VWC2L: variants seen among roughly 807,000 people sequenced by gnomAD.
VWC2L encodes the protein von Willebrand factor C domain containing 2 like, also known as von Willebrand factor C domain-containing protein 2-like.
In VWC2L, 10 loss-of-function variants were observed where a neutral mutation model predicts 21.6. The ratio of observed to expected loss-of-function variants is 0.46; its 90% CI spans 0.29 to 0.78. VWC2L has a LOEUF of 0.78. Among genes scored for constraint, VWC2L ranks in the 30% least tolerant of loss-of-function variants. The probability of loss-of-function intolerance (pLI) is 0.10; values close to 1 mark genes in which losing one functional copy is unlikely to be tolerated. For synonymous variants in VWC2L, 96 were observed against 94.3 expected (o/e 1.02, Z -0.10); for missense variants, 209 against 277.1 (o/e 0.75, Z 1.74).
At chr2:214,468,694 T>G (rs184118338) in intron 3 of VWC2L, among the ~76,000 whole-genome samples, 189 of 152,072 alleles carry the variant, frequency 1.2e-3, no homozygotes, top group African/African-American at 4.4e-3. Flanking sequence ...TGCTGAGAAT[T>G]AGAACGTATA....
intron 3 of VWC2L, among the ~76,000 whole-genome samples, chr2:214,472,562 T>C (rs755972046): frequency 2.0e-5 from 3 of 152,216 alleles, no homozygotes; most frequent in Non-Finnish European, 4.4e-5. Context: ...GTTCAACTCA[T>C]ACATGATAAG....
intron 3 of VWC2L, among the ~76,000 whole-genome samples, chr2:214,443,104 G>A (rs1361325320): frequency 5.9e-5 from 9 of 152,098 alleles, no homozygotes; most frequent in Admixed American, 5.9e-4. Context: ...GAAAAGGCCG[G>A]GCGTGGTGGC....
intron 3 of VWC2L, among the ~76,000 whole-genome samples, chr2:214,455,493 G>A (rs932693833): frequency 2.0e-5 from 3 of 152,030 alleles, no homozygotes; most frequent in South Asian, 2.1e-4. Context: ...GACCAACTCC[G>A]AGTATTCAGG....
chr2:214,548,151 C>T (rs1327281029), intron 3 of VWC2L, among the ~76,000 whole-genome samples: 1 of 152,188 alleles, frequency 6.6e-6, no homozygotes, highest in African/African-American at 2.4e-5. Context: ...ACTTTCTTCT[C>T]TGAGGCTCTT....
At chr2:214,486,321 T>C (rs1165691426) in intron 3 of VWC2L, among the ~76,000 whole-genome samples, 3 of 152,234 alleles carry the variant, frequency 2.0e-5, no homozygotes, top group African/African-American at 7.2e-5. Context: ...ATTTATTGCT[T>C]AGCACCAATG....
chr2:214,499,162 G>A (rs1434868204), intron 3 of VWC2L, among the ~76,000 whole-genome samples: 1 of 151,584 alleles, frequency 6.6e-6, no homozygotes, highest in Non-Finnish European at 1.5e-5. Context: ...GGGATTACAG[G>A]AGCCTGCCAC....
At chr2:214,542,003 G>A (rs1309932871) in intron 3 of VWC2L, among the ~76,000 whole-genome samples, 1 of 151,820 alleles carries the variant, frequency 6.6e-6, no homozygotes, top group Non-Finnish European at 1.5e-5. Flanking sequence ...AAGAGCTGCT[G>A]TTGTTTATTT....
At chr2:214,558,757 T>C in intron 3 of VWC2L, among the ~76,000 whole-genome samples, 1 of 152,104 alleles carries the variant, frequency 6.6e-6, no homozygotes, top group East Asian at 1.9e-4. Flanking sequence ...AGTAAATTGG[T>C]TATGTCGTGG....
chr2:214,447,908 G>T (rs564354270), intron 3 of VWC2L, among the ~76,000 whole-genome samples: 3 of 151,994 alleles, frequency 2.0e-5, no homozygotes, highest in East Asian at 3.9e-4. Context: ...TACCCTCACT[G>T]CCTGGCTTGG....
At position 214,505,582 on chromosome 2, in the gene VWC2L, G is replaced by A. The variant is rs192176880; in HGVS notation, c.520+68824G>A. ...TTAAAAGACATCTACACAAAGCACA[G>A]TGTTTTCAAAGTCTTTTCTTCTGTT... On this transcript the variant is annotated intron_variant, in intron 3 of 3. Transcript: ENST00000312504. Among the ~76,000 whole-genome samples the A allele has an allele frequency of 3.9e-5, 6 of 152,172 alleles. No homozygotes were observed. The East Asian group carries it at 9.7e-4, about 25-fold the overall frequency.
intron 3 of VWC2L, among the ~76,000 whole-genome samples, chr2:214,475,540 A>G (rs1688503674): frequency 6.6e-6 from 1 of 152,176 alleles, no homozygotes; most frequent in Admixed American, 6.5e-5. Context: ...TGTAACTAGC[A>G]TTTAGTCCCA....
intron 3 of VWC2L, among the ~76,000 whole-genome samples, chr2:214,533,478 C>G (rs1371254391): frequency 6.6e-6 from 1 of 151,610 alleles, no homozygotes; most frequent in Non-Finnish European, 1.5e-5. Context: ...TTTGGAATGT[C>G]TCTGCCTCCA....
chr2:214,552,790 C>G (rs576796482), intron 3 of VWC2L, among the ~76,000 whole-genome samples: 1 of 152,308 alleles, frequency 6.6e-6, no homozygotes. Flanking sequence ...AATGATGCCT[C>G]AAGAGCAAAT....
intron 3 of VWC2L, among the ~76,000 whole-genome samples, chr2:214,512,846 G>C (rs568043738): frequency 6.6e-6 from 1 of 152,224 alleles, no homozygotes; most frequent in African/African-American, 2.4e-5. Flanking sequence ...ATTATAGCTA[G>C]AAGTAAAATG....
Position 214,546,405 on chromosome 2 carries a change from T to G in VWC2L, c.521-29267T>G, listed in dbSNP as rs563500976. ...CTAGATTCTCCTGAATGCTAATGTT[T>G]TCCTTCCCTTCTCAGTAATGTTCTA... is the stretch of plus-strand genomic sequence containing the variant. On this transcript the variant is annotated intron_variant, in intron 3 of 3. Coordinates refer to ENST00000312504, the MANE Select transcript of VWC2L (RefSeq NM_001080500.4). Among the ~76,000 whole-genome samples, 7 of 152,260 alleles carry G rather than the reference T, an allele frequency of 4.6e-5. No individual in the cohort carries two copies. The South Asian group carries it at 1.5e-3, about 32-fold the overall frequency.
intron 3 of VWC2L, among the ~76,000 whole-genome samples, chr2:214,572,090 ATATTCT>A (rs1252199376): frequency 6.6e-6 from 1 of 152,094 alleles, no homozygotes; most frequent in Non-Finnish European, 1.5e-5. Context: ...CCTACCTCCT[ATATTCT>A]TAAAGATCAC....
rs533055000 is a variant in VWC2L at position 214,436,755 on chromosome 2, A to C, written c.517A>C (p.Asn173His). The change falls in exon 3 of 4, where the codon AAT becomes CAT. Residue 173 changes from asparagine (N) to histidine (H), a missense_variant. By Grantham distance (68) the Asn-to-His change is moderately conservative. Transcript: ENST00000312504. ...EPEQCCPVCK[N>H]GPNCFAGTTI... ...AGAACAATGTTGTCCTGTCTGCAAA[A>C]ATGGTAAGACCACACTGCATTAGCT... The C allele has an allele frequency of 9.3e-6, 15 of 1,613,102 alleles. No homozygotes were observed. The South Asian group carries it at 1.2e-4, about 13-fold the overall frequency.
At position 214,451,615 on chromosome 2, in the gene VWC2L, T is replaced by C. The variant is rs533084853; in HGVS notation, c.520+14857T>C. The stretch of plus-strand genomic sequence containing the variant: ...ATGGCATTTTTTAATAACAAAGTCA[T>C]GAGCATTGAGAGCTAAATTCAACCA... On this transcript the variant is annotated intron_variant, in intron 3 of 3. Coordinates refer to ENST00000312504, the MANE Select transcript of VWC2L (RefSeq NM_001080500.4). Among the ~76,000 whole-genome samples, 80 of 152,216 alleles carry C rather than the reference T, an allele frequency of 5.3e-4. 1 individual carries two copies. The South Asian group carries it at 9.5e-3, about 18-fold the overall frequency.
At chr2:214,522,225 A>T (rs1574614387) in intron 3 of VWC2L, among the ~76,000 whole-genome samples, 1 of 152,144 alleles carries the variant, frequency 6.6e-6, no homozygotes, top group Middle Eastern at 3.4e-3. Flanking sequence ...AATACAAAAA[A>T]TTAGCCATGC....
Sources: allele counts gnomAD v4.1 joint callset (sites outside exome capture counted in the v4.1 genomes callset), GRCh38; gene constraint gnomAD v4.1.1; transcripts MANE v1.5; gene names NCBI Gene and HGNC (gene_info 2026-07-23, HGNC 2026-07-21).